Variants in GLI3 observed in about 807,000 individuals in gnomAD.
The protein encoded by GLI3 is transcription activator GLI3.
GLI3 carries 20 observed loss-of-function variants against 100.8 expected under a neutral mutation model. The observed-to-expected ratio is 0.20, with a 90% CI of 0.14 to 0.29. The LOEUF (loss-of-function observed/expected upper bound fraction) is 0.29. Among genes scored for constraint, GLI3 ranks in the 10% least tolerant of loss-of-function variants. GLI3 has a pLI of 1.00. For synonymous variants in GLI3, 938 were observed against 860.5 expected (o/e 1.09, Z -1.58); for missense variants, 2,040 against 2,128.5 (o/e 0.96, Z 0.82).
At chr7:42,132,180 A>G (rs1392150138) in intron 3 of GLI3, among the ~76,000 whole-genome samples, 1 of 151,842 alleles carries the variant, frequency 6.6e-6, no homozygotes. Context: ...GGCTCACTGC[A>G]AGCTCCGCCT....
intron 1 of GLI3, among the ~76,000 whole-genome samples, chr7:42,262,523 G>A (rs1406769633): frequency 6.6e-6 from 1 of 152,090 alleles, no homozygotes; most frequent in African/African-American, 2.4e-5. Context: ...GCCTCCCAAA[G>A]TACTGGGATT....
intron 12 of GLI3, among the ~76,000 whole-genome samples, chr7:41,976,629 T>C (rs1452402681): frequency 6.6e-6 from 1 of 152,218 alleles, no homozygotes; most frequent in Non-Finnish European, 1.5e-5. Context: ...GTGCACGATG[T>C]TCCTTCTCTA....
intron 2 of GLI3, among the ~76,000 whole-genome samples, chr7:42,163,914 C>T (rs977463300): frequency 4.6e-5 from 7 of 152,302 alleles, no homozygotes; most frequent in South Asian, 2.1e-4. Flanking sequence ...TTCAGTCTTC[C>T]GGCCACTCTG....
At position 41,977,731 on chromosome 7, in the gene GLI3, AAC is replaced by A. The variant is rs1485496865; in HGVS notation, c.1648-11_1648-10del. 2.4e-5 allele frequency: 39 copies of A among 1,613,466 alleles called. No homozygotes were observed. The highest frequency in any genetic ancestry group is 3.1e-5 in the Non-Finnish European group (37 of 1,179,358). ...TTTGTGCAACCTTCAAACTGAGGAC[AAC>A]AGGTAAATCTGGATTACTCTGCACA... On this transcript the variant is annotated splice_polypyrimidine_tract_variant and intron_variant, in intron 11 of 14. Transcript: ENST00000395925.
At chr7:42,105,601 C>T (rs1422036449) in intron 3 of GLI3, among the ~76,000 whole-genome samples, 1 of 152,124 alleles carries the variant, frequency 6.6e-6, no homozygotes, top group Non-Finnish European at 1.5e-5. Flanking sequence ...AAGTTAATCA[C>T]AGATGATAGA....
chr7:42,071,452 G>A (rs1033476087), intron 4 of GLI3, among the ~76,000 whole-genome samples: 12 of 151,976 alleles, frequency 7.9e-5, no homozygotes, highest in African/African-American at 2.4e-4. Flanking sequence ...ATATTTTACC[G>A]GAAACTTCCC....
intron 3 of GLI3, among the ~76,000 whole-genome samples, chr7:42,096,968 A>G (rs1226582483): frequency 6.6e-6 from 1 of 152,188 alleles, no homozygotes; most frequent in Non-Finnish European, 1.5e-5. Flanking sequence ...CGGCCAGCCT[A>G]AGGGATGTTT....
chr7:41,969,659 G>A (rs1417198856), intron 13 of GLI3, among the ~76,000 whole-genome samples: 3 of 152,244 alleles, frequency 2.0e-5, no homozygotes, highest in African/African-American at 7.2e-5. Flanking sequence ...CTCCTGGACT[G>A]TCAAATCAGA....
chr7:42,223,019 G>T, intron 2 of GLI3, 111 bp downstream of exon 2: 9 of 1,227,072 alleles, frequency 7.3e-6, no homozygotes, highest in Non-Finnish European at 1.1e-5. Context: ...GCTTTCTTTA[G>T]CGTCTCCTAG....
intron 2 of GLI3, among the ~76,000 whole-genome samples, chr7:42,167,298 A>G (rs1197312399): frequency 6.6e-6 from 1 of 152,220 alleles, no homozygotes; most frequent in Non-Finnish European, 1.5e-5. Context: ...ACAAATGGAC[A>G]CAAACTACCA....
At chr7:42,262,552 A>G (rs1789157165) in intron 1 of GLI3, among the ~76,000 whole-genome samples, 1 of 152,140 alleles carries the variant, frequency 6.6e-6, no homozygotes, top group Non-Finnish European at 1.5e-5. Context: ...GAGTCACTGC[A>G]TTTGACCAGT....
rs1310084488 is a variant in GLI3, at chr7:42,083,237, AT to A, written c.368-6381del. ...TCTGGTAACCATCCATCTATTCTCT[AT>A]CCCTCTGAGTTCAATCATTTTAATG... On this transcript the variant is annotated intron_variant, in intron 3 of 14. Coordinates refer to ENST00000395925, the MANE Select transcript of GLI3 (RefSeq NM_000168.6). 9.9e-5 allele frequency among the ~76,000 whole-genome samples: 15 copies of A among 152,110 alleles called. 1 individual carries two copies. In the East Asian group the frequency reaches 2.7e-3, roughly 27 times the overall value.
intron 3 of GLI3, among the ~76,000 whole-genome samples, chr7:42,133,280 T>A (rs149729967): frequency 1.3e-5 from 2 of 152,348 alleles, no homozygotes; most frequent in African/African-American, 2.4e-5. Flanking sequence ...CAAGGAACTC[T>A]GAAATAAATC....
At chr7:42,017,125 A>G (rs1788786615) in intron 10 of GLI3, among the ~76,000 whole-genome samples, 1 of 152,216 alleles carries the variant, frequency 6.6e-6, no homozygotes, top group Non-Finnish European at 1.5e-5. Context: ...AATAAACAGG[A>G]GAATACATTA....
intron 2 of GLI3, among the ~76,000 whole-genome samples, chr7:42,208,194 A>C (rs578013000): frequency 1.3e-5 from 2 of 152,140 alleles, no homozygotes; most frequent in South Asian, 2.1e-4. Context: ...AAAAATAAAA[A>C]CACATTTAAG....
intron 3 of GLI3, among the ~76,000 whole-genome samples, chr7:42,141,222 A>G (rs1396442164): frequency 6.6e-6 from 1 of 152,202 alleles, no homozygotes; most frequent in Non-Finnish European, 1.5e-5. Flanking sequence ...AACAAACATC[A>G]TGCTCCCCTT....
chr7:42,086,764 G>T lies in GLI3; in HGVS notation c.368-9907C>A, dbSNP rs553254998. 5.9e-5 allele frequency among the ~76,000 whole-genome samples: 9 copies of T among 152,232 alleles called. No homozygotes were observed. The East Asian group carries it at 1.7e-3, about 29-fold the overall frequency. ...TCCTCCCTTCTCCATAATTCAGGTT[G>T]GCCAGAACCAGTAGGGACGACCCGA... is the stretch of plus-strand genomic sequence containing the variant. On this transcript the variant is annotated intron_variant, in intron 3 of 14. Coordinates refer to ENST00000395925, the MANE Select transcript of GLI3 (RefSeq NM_000168.6).
intron 1 of GLI3, among the ~76,000 whole-genome samples, chr7:42,257,959 T>G (rs1789102171): frequency 6.6e-6 from 1 of 152,226 alleles, no homozygotes; most frequent in African/African-American, 2.4e-5. Context: ...TGTTGAACTT[T>G]GTTAAAGAGT....
chr7:41,965,915 T>G lies in GLI3; in HGVS notation c.3158A>C (p.Glu1053Ala). 6.2e-7 allele frequency: 1 copy of G among 1,613,146 alleles called. No homozygotes were observed. Among genetic ancestry groups the G allele is most frequent in the African/African-American group, 1.3e-5 (1 of 74,910 alleles). Residue 1053 changes from glutamate to alanine, a missense_variant, in exon 15 of 15, where the codon GAG becomes GCG. Coordinates refer to ENST00000395925, the MANE Select transcript of GLI3 (RefSeq NM_000168.6). ...SLVLQNYTRPEGGQSRNFHSS... is the reference protein window; with the variant it reads ...SLVLQNYTRPAGGQSRNFHSS... The stretch of plus-strand genomic sequence containing the variant: ...GTGGAAGTTTCGGGACTGGCCGCCC[T>G]CGGGCCGCGTGTAATTCTGAAGCAC...
Sources: gnomAD v4.1 joint callset for allele counts (sites outside exome capture counted in the v4.1 genomes callset) on GRCh38, gnomAD v4.1.1 for gene constraint, MANE v1.5 for transcripts, NCBI Gene and HGNC (gene_info 2026-07-23, HGNC 2026-07-21) for gene names.